Variants in TBC1D19 observed in about 807,000 individuals in gnomAD.
TBC1D19 encodes the protein TBC1 domain family, member 19.
TBC1D19 carries 60 observed loss-of-function variants against 89.0 expected under a neutral mutation model. The observed-to-expected ratio is 0.67, with a 90% CI of 0.55 to 0.84. The LOEUF is 0.84. Among genes scored for constraint, TBC1D19 ranks in the 40% least tolerant of loss-of-function variants. TBC1D19 has a pLI of 0.00. For missense variants in TBC1D19, 500 were observed against 610.8 expected, an observed-to-expected ratio of 0.82 and a Z score of 1.91; for synonymous variants, 189 against 199.7, an observed-to-expected ratio of 0.95 and a Z score of 0.45.
intron 8 of TBC1D19, among the ~76,000 whole-genome samples, chr4:26,659,966 C>T (rs1745120803): frequency 6.6e-6 from 1 of 152,124 alleles, no homozygotes; most frequent in South Asian, 2.1e-4. Flanking sequence ...TATGAGACAG[C>T]TTGTTGGGAT....
the TBC1D19 span, among the ~76,000 whole-genome samples, chr4:26,849,193 CACACACAA>C: frequency 1.5e-5 from 1 of 65,870 alleles, no homozygotes; most frequent in Non-Finnish European, 3.4e-5. Flanking sequence ...ATGATACACA[CACACACAA>C]ACACACACAC....
chr4:26,851,309 CTATCTA>C, the TBC1D19 span, among the ~76,000 whole-genome samples: 2 of 65,316 alleles, frequency 3.1e-5, no homozygotes, highest in Admixed American at 1.6e-4. Flanking sequence ...AATACCCTAT[CTATCTA>C]TCTATCTATC....
At chr4:26,667,235 T>C (rs982499727) in intron 9 of TBC1D19, among the ~76,000 whole-genome samples, 60 of 152,184 alleles carry the variant, frequency 3.9e-4, no homozygotes, top group African/African-American at 1.4e-3. Flanking sequence ...ACTTTATTAA[T>C]GTATAATGCA....
intron 19 of TBC1D19, among the ~76,000 whole-genome samples, chr4:26,752,940 T>C (rs1342960097): frequency 1.3e-5 from 2 of 152,194 alleles, no homozygotes; most frequent in Non-Finnish European, 2.9e-5. Context: ...ACTACAGGTG[T>C]GCACCACCAT....
chr4:26,808,727 CAAAAAAAAAAAAAAA>C, the TBC1D19 span, among the ~76,000 whole-genome samples: 1 of 95,112 alleles, frequency 1.1e-5, no homozygotes, highest in Non-Finnish European at 2.0e-5. Flanking sequence ...GACTCTGTCT[CAAAAAAAAAAAAAAA>C]AAAAGAAAAA....
chr4:26,664,323 G>A lies in TBC1D19; in HGVS notation c.592-2010G>A, dbSNP rs574904772. Among the ~76,000 whole-genome samples the A allele has an allele frequency of 1.6e-4, 25 of 152,230 alleles. 1 individual carries two copies. The highest frequency in any genetic ancestry group is 5.3e-4 in the African/African-American group (22 of 41,556). ...ATTAGGGTCCATGTCTGCTGACATT[G>A]AGTTAAAAATAGTCCAGAGCAATGA... On this transcript the variant is annotated intron_variant, in intron 8 of 20. Coordinates refer to ENST00000264866, the MANE Select transcript of TBC1D19 (RefSeq NM_018317.4).
Position 26,742,571 on chromosome 4 carries a change from T to C in TBC1D19, c.1291T>C (p.Tyr431His), listed in dbSNP as rs367583517. ...LLQTYLPQLF[Y>H]HLREIGAQPL... Reference sequence around the variant, plus strand: ...TCAAACTTATCTTCCCCAACTCTTTTATCATCTACGAGAAATTGGGGCTCA... The same window carrying C: ...TCAAACTTATCTTCCCCAACTCTTTCATCATCTACGAGAAATTGGGGCTCA... Residue 431 changes from tyrosine to histidine, a missense_variant, in exon 18 of 21, where the codon TAT (tyrosine) becomes CAT (histidine). Tyr to His is a moderately conservative substitution (Grantham distance 83, BLOSUM62 2). Around this residue, in one of 2 missense-constraint regions of TBC1D19, gnomAD observed 220 missense variants for 319.1 expected, o/e 0.69. Transcript: ENST00000264866. The C allele has an allele frequency of 9.3e-6, 15 of 1,612,434 alleles. No individual in the cohort carries two copies. The African/African-American group carries it at 1.5e-4, about 16-fold the overall frequency.
intron 7 of TBC1D19, 144 bp from the exon 8 acceptor site, chr4:26,659,453 C>T: frequency 2.2e-6 from 1 of 463,144 alleles, no homozygotes; most frequent in Admixed American, 3.5e-5. Context: ...TACTTTTATA[C>T]TATTTTAGAA....
the TBC1D19 span, among the ~76,000 whole-genome samples, chr4:26,851,311 A>ATCTATCTGTCTG: frequency 5.8e-3 from 666 of 114,896 alleles, 5 homozygotes; most frequent in African/African-American, 0.018. Flanking sequence ...TACCCTATCT[A>ATCTATCTGTCTG]TCTATCTATC....
the TBC1D19 span, among the ~76,000 whole-genome samples, chr4:26,804,718 T>G: frequency 3.3e-5 from 5 of 152,304 alleles, no homozygotes; most frequent in South Asian, 8.3e-4. Flanking sequence ...TCCCTAGAGC[T>G]GCTCTGTTCG....
the TBC1D19 span, among the ~76,000 whole-genome samples, chr4:26,835,992 TC>T: frequency 1.3e-5 from 2 of 151,952 alleles, no homozygotes; most frequent in African/African-American, 2.4e-5. Flanking sequence ...TCTCTCTCTC[TC>T]TCTCTCTCTC....
downstream of TBC1D19, among the ~76,000 whole-genome samples, chr4:26,759,679 A>G (rs1719396444): frequency 6.6e-6 from 1 of 152,020 alleles, no homozygotes. Context: ...TAAAGATTAG[A>G]TTCATCTTTT....
At chr4:26,851,595 AACTT>A in the TBC1D19 span, among the ~76,000 whole-genome samples, 9 of 152,168 alleles carry the variant, frequency 5.9e-5, no homozygotes, top group Non-Finnish European at 1.3e-4. Flanking sequence ...CCCCTTCATA[AACTT>A]ACTTTTTGGC....
intron 13 of TBC1D19, among the ~76,000 whole-genome samples, chr4:26,707,833 C>T (rs1049772009): frequency 3.9e-5 from 6 of 151,916 alleles, no homozygotes; most frequent in Middle Eastern, 3.2e-3. Context: ...TATTACTTTA[C>T]GGCTCTATCC....
rs1036041329 is a variant in TBC1D19 at position 26,755,732 on chromosome 4, T to C, written c.*785T>C. ...TATACAAGGAAGACACCCAAGAGAA[T>C]GAGGAGTCAAAACCCCATTCACTTT... On this transcript the variant is annotated 3_prime_UTR_variant, in exon 21 of 21. Transcript: ENST00000264866. Among the ~76,000 whole-genome samples the C allele has an allele frequency of 4.6e-5, 7 of 152,180 alleles. No homozygotes were observed. Among genetic ancestry groups the C allele is most frequent in the African/African-American group, 1.7e-4 (7 of 41,452 alleles).
At chr4:26,824,626 A>G in the TBC1D19 span, among the ~76,000 whole-genome samples, 1 of 152,108 alleles carries the variant, frequency 6.6e-6, no homozygotes. Context: ...ATATTACTGC[A>G]CTACAATTTA....
At chr4:26,587,520 T>C (rs1442088791) in intron 1 of TBC1D19, among the ~76,000 whole-genome samples, 1 of 147,582 alleles carries the variant, frequency 6.8e-6, no homozygotes, top group Non-Finnish European at 1.5e-5. Context: ...GAGGTTGCAG[T>C]GAGCAGAGAT....
chr4:26,739,954 C>G lies in TBC1D19; in HGVS notation c.1208C>G (p.Ser403Cys). The G allele has an allele frequency of 1.3e-6, 2 of 1,589,914 alleles. No individual in the cohort carries two copies. Among genetic ancestry groups the G allele is most frequent in the Non-Finnish European group, 1.7e-6 (2 of 1,167,614 alleles). Residue 403 changes from serine (S) to cysteine (C), a missense_variant, in exon 17 of 21, where the codon TCC becomes TGC. By Grantham distance (112) the Ser-to-Cys change is moderately radical. Around this residue, in one of 2 missense-constraint regions of TBC1D19, gnomAD observed 220 missense variants for 319.1 expected, o/e 0.69. Transcript: ENST00000264866. ...GTGCGTTTTTTCTTCAGACTCCATTCCATCTCTTCTCATCCTTCTGTAAGT... is the reference window on the plus strand; with the variant it reads ...GTGCGTTTTTTCTTCAGACTCCATTGCATCTCTTCTCATCCTTCTGTAAGT... ...MYVRFFFRLH[S>C]ISSHPSGIVS...
chr4:26,636,998 G>A (rs1478967827), intron 4 of TBC1D19, among the ~76,000 whole-genome samples: 3 of 152,212 alleles, frequency 2.0e-5, no homozygotes, highest in South Asian at 4.2e-4. Context: ...TGAGGACTGA[G>A]GCTTTCTGTT....
Sources: allele counts gnomAD v4.1 joint callset (sites outside exome capture counted in the v4.1 genomes callset), GRCh38; gene constraint gnomAD v4.1.1; regional missense constraint gnomAD v4.1.1; transcripts MANE v1.5; gene names NCBI Gene and HGNC (gene_info 2026-07-23, HGNC 2026-07-21).